Variants in VWCE observed in about 807,000 individuals in gnomAD.
VWCE encodes von Willebrand factor C and EGF domain-containing protein.
Under a neutral mutation model 102.9 loss-of-function variants are expected in VWCE, and 68 were observed. That is an observed-to-expected ratio of 0.66 (90% CI 0.54 to 0.81). The LOEUF (loss-of-function observed/expected upper bound fraction) is 0.81, where lower values mean the gene tolerates loss of function less well. Ranked by LOEUF, VWCE falls within the 30% of genes least tolerant of loss-of-function variation. The probability of loss-of-function intolerance (pLI) is 0.00; values close to 1 mark genes in which losing one functional copy is unlikely to be tolerated. For synonymous variants in VWCE, 497 were observed against 515.4 expected, an observed-to-expected ratio of 0.96 and a Z score of 0.48; for missense variants, 1,137 against 1,263.6, an observed-to-expected ratio of 0.90 and a Z score of 1.52.
In VWCE at chr11:61,294,983, C is replaced by T. The variant is rs762251027; in HGVS notation, c.55G>A (p.Ala19Thr). 8 of 1,471,122 alleles carry T rather than the reference C, an allele frequency of 5.4e-6. No individual in the cohort carries two copies. Among genetic ancestry groups the T allele is most frequent in the Non-Finnish European group, 6.3e-6 (7 of 1,112,480 alleles). The allele number at this position is 1,471,122 out of a possible 1,614,324, so 91.1% of individuals were successfully genotyped here. Residue 19 changes from alanine to threonine, a missense_variant, in exon 1 of 20, where the codon GCA becomes ACA. Physicochemically the swap from Ala to Thr is moderately conservative, Grantham distance 58. Transcript: ENST00000335613. The surrounding 1 kb of genome is among the most constrained non-coding windows in gnomAD (Gnocchi z 6.3). ...CTCCCGGTGTAGCCTCGGGCTGGTG[C>T]CCCCGGCAGCAGGAGCGCGACACAG... ...AACVALLLPG[A>T]PARGYTGRKP...
At chr11:61,270,183 C>T (rs1429458247) in intron 14 of VWCE, among the ~76,000 whole-genome samples, 3 of 151,814 alleles carry the variant, frequency 2.0e-5, no homozygotes, top group Admixed American at 6.6e-5. Flanking sequence ...CCTCCCAAAG[C>T]GTTGGGATTA....
chr11:61,267,647 C>CA, intron 15 of VWCE, 103 bp from the exon 16 acceptor site: 5 of 1,028,758 alleles, frequency 4.9e-6, no homozygotes, highest in Non-Finnish European at 7.5e-6. Context: ...AAAGGGGAGG[C>CA]CATGTGCCTC....
At chr11:61,273,561 A>C in intron 12 of VWCE, 1 of 516,522 alleles carries the variant, frequency 1.9e-6, no homozygotes, top group Non-Finnish European at 3.4e-6. Flanking sequence ...GGGAATAGGC[A>C]CGGCCTTCAC....
At chr11:61,259,606 G>A (rs183686888) in intron 19 of VWCE, among the ~76,000 whole-genome samples, 1 of 152,306 alleles carries the variant, frequency 6.6e-6, no homozygotes, top group East Asian at 1.9e-4. Context: ...ATGAAAGGGT[G>A]CACGGAGAGT....
chr11:61,271,588 C>T (rs1854703694), intron 14 of VWCE, 87 bp downstream of exon 14: 1 of 1,338,476 alleles, frequency 7.5e-7, no homozygotes, highest in Non-Finnish European at 1.0e-6. Flanking sequence ...CTGAGGCCAG[C>T]CTCTGGAGGG....
chr11:61,259,233 C>A lies in VWCE; in HGVS notation c.2310G>T (p.Leu770=). The A allele has an allele frequency of 6.2e-7, 1 of 1,613,698 alleles. No homozygotes were observed. The highest frequency in any genetic ancestry group is 1.1e-5 in the South Asian group (1 of 91,054). Residue 770 remains leucine, a synonymous_variant, in exon 20 of 20, where the codon CTG becomes CTT. Transcript: ENST00000335613. The part of the protein sequence containing the change: ...NVAFSKAGRS[L]HGDTEAPVNC... ...TGACAGGGGCCTCAGTGTCTCCATG[C>A]AGGCTCCGACCAGCTTTGCTGAATG... is the stretch of plus-strand genomic sequence containing the variant.
chr11:61,269,101 T>C (rs1198834887), intron 14 of VWCE, 83 bp from the exon 15 acceptor site: 1 of 1,340,660 alleles, frequency 7.5e-7, no homozygotes, highest in Non-Finnish European at 1.0e-6. Context: ...ACAGCAACGC[T>C]GCAAACTGGC....
In VWCE at chr11:61,280,814, C is replaced by T. The variant is rs771940677; in HGVS notation, c.1209G>A (p.Gly403=). ...CCACCTCGCACCAGCACTGGGAACA[C>T]CCAGGCTCTGTCCAGCGACTCCTTG... The part of the protein sequence containing the change: ...HESRSRWTEP[G]CSQCWCEDGK... The change falls in exon 8 of 20, where the codon GGG becomes GGA. Residue 403 remains glycine, a synonymous_variant. Transcript: ENST00000335613. 8.2e-6 allele frequency: 13 copies of T among 1,581,056 alleles called. No individual in the cohort carries two copies. The East Asian group carries it at 9.0e-5, about 11-fold the overall frequency.
At chr11:61,278,503 G>A in intron 9 of VWCE, 27 bp from the exon 10 acceptor site, 1 of 1,607,942 alleles carries the variant, frequency 6.2e-7, no homozygotes, top group East Asian at 2.2e-5. Context: ...GGAGGTAGAG[G>A]CATCAGACCT....
chr11:61,259,904 A>C (rs1385175382), intron 19 of VWCE, among the ~76,000 whole-genome samples: 2 of 152,242 alleles, frequency 1.3e-5, no homozygotes, highest in African/African-American at 4.8e-5. Flanking sequence ...AGGAGAAAAT[A>C]AACACAGATG....
intron 18 of VWCE, 137 bp downstream of exon 18, chr11:61,264,818 TC>T (rs764145022): frequency 2.9e-6 from 3 of 1,021,536 alleles, no homozygotes; most frequent in Non-Finnish European, 4.3e-6. Flanking sequence ...CCAAAGATAT[TC>T]TGGCAGTTAA....
At chr11:61,265,726 A>G (rs2134742811) in intron 16 of VWCE, among the ~76,000 whole-genome samples, 1 of 152,346 alleles carries the variant, frequency 6.6e-6, no homozygotes, top group African/African-American at 2.4e-5. Context: ...GTCATCCCGC[A>G]TTCAGGGCGT....
chr11:61,269,312 C>T, intron 14 of VWCE: 1 of 404,674 alleles, frequency 2.5e-6, no homozygotes, highest in South Asian at 3.3e-5. Flanking sequence ...CCATCCAAAT[C>T]CTTTCTCAGC....
intron 4 of VWCE, among the ~76,000 whole-genome samples, chr11:61,286,988 T>C (rs1175653654): frequency 6.6e-6 from 1 of 151,454 alleles, no homozygotes; most frequent in Admixed American, 6.6e-5. Flanking sequence ...TCCCAGCTAC[T>C]TGGGAGGCTG....
rs1456605318 is a variant in VWCE at position 61,281,868 on chromosome 11, A to C, written c.705T>G (p.His235Gln). 1 of 1,613,842 alleles carries C rather than the reference A, an allele frequency of 6.2e-7. No individual in the cohort carries two copies. Among genetic ancestry groups the C allele is most frequent in the African/African-American group, 1.3e-5 (1 of 75,050 alleles). Residue 235 changes from histidine (H) to glutamine (Q), a missense_variant, in exon 7 of 20, where the codon CAT (histidine) becomes CAG (glutamine). His to Gln is a conservative substitution (Grantham distance 24, BLOSUM62 0). Coordinates refer to ENST00000335613, the MANE Select transcript of VWCE (RefSeq NM_152718.2). ...RRPLERRVCH[H>Q]SCHNTVGSFL... ...AGCTGCCCACGGTGTTGTGGCAGGA[A>C]TGGTGACAGACTCGCCTCTCCAATG...
At position 61,280,831 on chromosome 11, in the gene VWCE, G is replaced by A; in HGVS notation, c.1192C>T (p.Arg398Cys). ...TGGGAACACCCAGGCTCTGTCCAGC[G>A]ACTCCTTGATTCATGCATGGCTCCC... ...HLGAMHESRS[R>C]WTEPGCSQCW... Residue 398 changes from arginine (R) to cysteine (C), a missense_variant, in exon 8 of 20, where the codon CGC becomes TGC. By Grantham distance (180) the Arg-to-Cys change is radical. Transcript: ENST00000335613. The A allele has an allele frequency of 1.9e-6, 3 of 1,562,298 alleles. No homozygotes were observed. Among genetic ancestry groups the A allele is most frequent in the Admixed American group, 1.9e-5 (1 of 53,202 alleles).
At chr11:61,273,396 T>C in intron 12 of VWCE, 80 bp from the exon 13 acceptor site, 1 of 1,349,298 alleles carries the variant, frequency 7.4e-7, no homozygotes, top group South Asian at 1.4e-5. Flanking sequence ...GGCCGCAGGC[T>C]GCCTGCCATC....
At position 61,269,028 on chromosome 11, in the gene VWCE, G is replaced by A; in HGVS notation, c.1786-10C>T. ...TCACCGAGCCATCTGCCTGGAGGAA[G>A]GAGGAACTTCACCAAGACCCCACCG... On this transcript the variant is annotated splice_polypyrimidine_tract_variant and intron_variant, in intron 14 of 19. Transcript: ENST00000335613. 1 of 1,613,736 alleles carries A rather than the reference G, an allele frequency of 6.2e-7. No individual in the cohort carries two copies. Among genetic ancestry groups the A allele is most frequent in the South Asian group, 1.1e-5 (1 of 91,036 alleles).
At chr11:61,289,251 T>G (rs1855425233) in intron 4 of VWCE, among the ~76,000 whole-genome samples, 1 of 151,920 alleles carries the variant, frequency 6.6e-6, no homozygotes. Flanking sequence ...AAAAAAAAAT[T>G]TTTTTTCTTT....
Sources: gnomAD v4.1 joint callset for allele counts (sites outside exome capture counted in the v4.1 genomes callset) on GRCh38, gnomAD v4.1.1 for gene constraint, Gnocchi (gnomAD v3.1) non-coding constraint, MANE v1.5 for transcripts, NCBI Gene and HGNC (gene_info 2026-07-23, HGNC 2026-07-21) for gene names.